TMCC1: variants seen among roughly 807,000 people sequenced by gnomAD.
The protein encoded by TMCC1 is transmembrane and coiled-coil domain family 1.
Under a neutral mutation model 52.4 loss-of-function variants are expected in TMCC1, and 15 were observed. The observed-to-expected ratio is 0.29, with a 90% CI of 0.19 to 0.44. The LOEUF is 0.44. TMCC1 is among the 20% of genes least tolerant of loss of function. The probability of loss-of-function intolerance (pLI) is 1.00; values close to 1 mark genes in which losing one functional copy is unlikely to be tolerated. For missense variants in TMCC1, 503 were observed against 806.0 expected, an observed-to-expected ratio of 0.62 and a Z score of 4.55; for synonymous variants, 279 against 301.9, an observed-to-expected ratio of 0.92 and a Z score of 0.79.
chr3:129,781,341 G>A (rs2055509111), intron 4 of TMCC1, among the ~76,000 whole-genome samples: 1 of 152,088 alleles, frequency 6.6e-6, no homozygotes, highest in Non-Finnish European at 1.5e-5. Flanking sequence ...GACATTTCTA[G>A]GTTCTAGGAA....
chr3:129,754,739 C>T (rs143733868), intron 4 of TMCC1, among the ~76,000 whole-genome samples: 179 of 152,132 alleles, frequency 1.2e-3, no homozygotes, highest in African/African-American at 3.7e-3. Context: ...TAAAATAGCC[C>T]ATAAGCCTAA....
At chr3:129,765,039 C>T (rs1219349369) in intron 4 of TMCC1, among the ~76,000 whole-genome samples, 3 of 150,516 alleles carry the variant, frequency 2.0e-5, no homozygotes, top group Non-Finnish European at 1.5e-5. Flanking sequence ...TGGCCAAAAG[C>T]GATCCTCCCT....
intron 4 of TMCC1, among the ~76,000 whole-genome samples, chr3:129,787,975 G>GA (rs2056159261): frequency 6.6e-6 from 1 of 152,172 alleles, no homozygotes; most frequent in East Asian, 1.9e-4. Flanking sequence ...TTAAGGAAGT[G>GA]AATGTACCTG....
At chr3:129,874,686 A>G (rs2061105963) in intron 2 of TMCC1, among the ~76,000 whole-genome samples, 1 of 151,968 alleles carries the variant, frequency 6.6e-6, no homozygotes, top group African/African-American at 2.4e-5. Flanking sequence ...GCAAGACCCC[A>G]TCTCTACAAA....
chr3:129,731,442 G>A (rs1036091526), intron 4 of TMCC1, among the ~76,000 whole-genome samples: 8 of 152,260 alleles, frequency 5.3e-5, no homozygotes, highest in South Asian at 2.1e-4. Flanking sequence ...GCTAGACATC[G>A]TGATGCATGC....
At chr3:129,652,877 G>A (rs1484456874) in intron 6 of TMCC1, among the ~76,000 whole-genome samples, 1 of 152,272 alleles carries the variant, frequency 6.6e-6, no homozygotes, top group Non-Finnish European at 1.5e-5. Context: ...TACAATTCCT[G>A]TCTCCCTGAA....
At chr3:129,745,067 T>C (rs1359511656) in intron 4 of TMCC1, among the ~76,000 whole-genome samples, 1 of 152,196 alleles carries the variant, frequency 6.6e-6, no homozygotes, top group Non-Finnish European at 1.5e-5. Flanking sequence ...ATGGAGAGAA[T>C]AAAAATTTCT....
intron 4 of TMCC1, among the ~76,000 whole-genome samples, chr3:129,786,903 T>C (rs2107738855): frequency 6.6e-6 from 1 of 152,212 alleles, no homozygotes. Flanking sequence ...ATTAACTCGA[T>C]GAGTTTTCTT....
Position 129,676,577 on chromosome 3 carries a change from A to T in TMCC1, c.577-5313T>A, listed in dbSNP as rs6439192. On this transcript the variant is annotated intron_variant, in intron 4 of 6. Coordinates refer to ENST00000393238, the MANE Select transcript of TMCC1 (RefSeq NM_001017395.5). ...AGAGTGGTGCCATTTAGAGCGCAGC[A>T]TTTAACTTAGCTTTGTTACTTAGCT... 3.8e-4 allele frequency among the ~76,000 whole-genome samples: 58 copies of T among 152,272 alleles called. 1 individual carries two copies. In the South Asian group the frequency reaches 0.011, roughly 30 times the overall value.
chr3:129,683,284 T>C (rs937980321), intron 4 of TMCC1, among the ~76,000 whole-genome samples: 1 of 152,264 alleles, frequency 6.6e-6, no homozygotes, highest in African/African-American at 2.4e-5. Context: ...CACTGGTCTA[T>C]GAGTATTCCA....
At position 129,670,571 on chromosome 3, in the gene TMCC1, A is replaced by C; in HGVS notation, c.1270T>G (p.Ser424Ala). The C allele has an allele frequency of 6.2e-7, 1 of 1,614,174 alleles. No individual in the cohort carries two copies. Residue 424 changes from serine to alanine, a missense_variant, in exon 5 of 7, where the codon TCT becomes GCT. Transcript: ENST00000393238. ...SPKYGSEEDC[S>A]SATSGSVGAN... is the part of the protein sequence containing the mutation. Reference sequence around the variant, plus strand: ...CCCACTGAGCCTGAAGTGGCACTAGAACAATCTTCTTCACTACCATATTTT... The same window carrying C: ...CCCACTGAGCCTGAAGTGGCACTAGCACAATCTTCTTCACTACCATATTTT...
chr3:129,769,995 T>C (rs1287359364), intron 4 of TMCC1, among the ~76,000 whole-genome samples: 2 of 152,218 alleles, frequency 1.3e-5, no homozygotes, highest in Admixed American at 6.5e-5. Context: ...TCAGCCACCA[T>C]ACTGTTAACT....
At chr3:129,737,613 G>T (rs757470704) in intron 4 of TMCC1, among the ~76,000 whole-genome samples, 4 of 152,110 alleles carry the variant, frequency 2.6e-5, no homozygotes, top group African/African-American at 4.8e-5. Context: ...CTTGAACTTG[G>T]ACTTCCCAGT....
intron 4 of TMCC1, among the ~76,000 whole-genome samples, chr3:129,712,618 A>T (rs571907320): frequency 9.9e-4 from 150 of 151,936 alleles, no homozygotes; most frequent in African/African-American, 3.4e-3. Flanking sequence ...CAGCTAATTA[A>T]AAAAATTTTT....
chr3:129,821,489 G>A lies in TMCC1; in HGVS notation c.576+6314C>T, dbSNP rs117902370. On this transcript the variant is annotated intron_variant, in intron 4 of 6. Transcript: ENST00000393238. The stretch of plus-strand genomic sequence containing the variant: ...ACAAATTCACTTCAACAAAATTCTT[G>A]CAAAGAATACTATCAACTACATGGA... 1.7e-4 allele frequency among the ~76,000 whole-genome samples: 26 copies of A among 152,122 alleles called. 1 individual carries two copies. The East Asian group carries it at 4.8e-3, about 28-fold the overall frequency.
intron 4 of TMCC1, chr3:129,819,950 A>T (rs2058330315): frequency 6.6e-6 from 1 of 151,694 alleles, no homozygotes; most frequent in South Asian, 2.1e-4. Flanking sequence ...CCCAGCTAAG[A>T]ATCTACTTGA....
At chr3:129,787,955 G>C (rs2056157785) in intron 4 of TMCC1, among the ~76,000 whole-genome samples, 1 of 152,118 alleles carries the variant, frequency 6.6e-6, no homozygotes. Flanking sequence ...ATTTGAACTA[G>C]GGCTACTATT....
rs532763649 is a variant in TMCC1 at position 129,834,455 on chromosome 3, G to T, written c.-183-1629C>A. On this transcript the variant is annotated intron_variant, in intron 2 of 6. Transcript: ENST00000393238. ...TCACAACAACCCACAAGACAAGGGG[G>T]TTGTTGAAACCAACCAATTTACAGT... 4.6e-5 allele frequency among the ~76,000 whole-genome samples: 7 copies of T among 152,232 alleles called. No individual in the cohort carries two copies. The East Asian group carries it at 1.4e-3, about 29-fold the overall frequency.
intron 5 of TMCC1, among the ~76,000 whole-genome samples, chr3:129,663,268 G>A (rs2108867498): frequency 6.6e-6 from 1 of 152,266 alleles, no homozygotes; most frequent in East Asian, 1.9e-4. Flanking sequence ...CCCTAGTTCG[G>A]CAATAGGTCA....
Sources: gnomAD v4.1 joint callset for allele counts (sites outside exome capture counted in the v4.1 genomes callset) on GRCh38, gnomAD v4.1.1 for gene constraint, MANE v1.5 for transcripts, NCBI Gene and HGNC (gene_info 2026-07-23, HGNC 2026-07-21) for gene names.